Variants in CNTLN observed in about 807,000 individuals in gnomAD.
The protein encoded by CNTLN is centlein, centrosomal protein.
CNTLN carries 212 observed loss-of-function variants against 180.0 expected under a neutral mutation model. That is an observed-to-expected ratio of 1.18 (90% CI 1.05 to 1.32). The LOEUF (loss-of-function observed/expected upper bound fraction) is 1.32, where lower values mean the gene tolerates loss of function less well. Among genes scored for constraint, CNTLN ranks in the 40% most tolerant of loss-of-function variants. The pLI, the probability that CNTLN is intolerant of heterozygous loss-of-function variation, is 0.00. For synonymous variants in CNTLN, 722 were observed against 563.1 expected (o/e 1.28, Z -3.99); for missense variants, 2,095 against 1,610.9 (o/e 1.30, Z -5.14).
chr9:17,275,690 C>T (rs1828264454), intron 6 of CNTLN, among the ~76,000 whole-genome samples: 1 of 151,982 alleles, frequency 6.6e-6, no homozygotes, highest in African/African-American at 2.4e-5. Context: ...CTACATTTTG[C>T]GTGAGTTTGT....
At chr9:17,309,670 T>C (rs1161664013) in intron 8 of CNTLN, among the ~76,000 whole-genome samples, 1 of 44,728 alleles carries the variant, frequency 2.2e-5, no homozygotes, top group Admixed American at 2.3e-4. Flanking sequence ...ACCACTACCT[T>C]GATAACATGA....
chr9:17,524,375 C>G, the CNTLN span, among the ~76,000 whole-genome samples: 1 of 152,202 alleles, frequency 6.6e-6, no homozygotes, highest in African/African-American at 2.4e-5. Context: ...TGTCCCAGCT[C>G]AAGGCTGTCA....
chr9:17,315,638 A>G (rs1465734992), intron 8 of CNTLN, among the ~76,000 whole-genome samples: 2 of 151,902 alleles, frequency 1.3e-5, no homozygotes, highest in Non-Finnish European at 2.9e-5. Flanking sequence ...ACTGTATTCC[A>G]TATATATTTT....
chr9:17,494,535 C>A (rs2134380228), intron 25 of CNTLN, among the ~76,000 whole-genome samples: 1 of 152,204 alleles, frequency 6.6e-6, no homozygotes, highest in South Asian at 2.1e-4. Flanking sequence ...CCTCTACCGT[C>A]AAATAGGCCC....
chr9:17,242,477 A>C (rs1273052038), intron 5 of CNTLN, among the ~76,000 whole-genome samples: 1 of 151,860 alleles, frequency 6.6e-6, no homozygotes, highest in East Asian at 1.9e-4. Flanking sequence ...GGCCTGGCTG[A>C]TGTTTCTTTT....
chr9:17,449,046 G>C (rs1396578244), intron 18 of CNTLN, among the ~76,000 whole-genome samples: 7 of 152,106 alleles, frequency 4.6e-5, no homozygotes, highest in Admixed American at 3.3e-4. Context: ...ATAGTCATTA[G>C]TAAGCATGTC....
intron 2 of CNTLN, among the ~76,000 whole-genome samples, chr9:17,154,136 CCTTCTGAAGCCTA>C (rs1438024411): frequency 8.5e-5 from 13 of 152,244 alleles, no homozygotes; most frequent in African/African-American, 3.1e-4. Flanking sequence ...TTATTACCCA[CCTTCTGAAGCCTA>C]CTTCTGTCAG....
intron 2 of CNTLN, among the ~76,000 whole-genome samples, chr9:17,182,330 C>A (rs1821175432): frequency 6.6e-6 from 1 of 152,036 alleles, no homozygotes; most frequent in Admixed American, 6.6e-5. Context: ...TCAACTTTTT[C>A]TGTTCCATAT....
chr9:17,469,440 C>G (rs1831934944), intron 23 of CNTLN, among the ~76,000 whole-genome samples: 1 of 151,826 alleles, frequency 6.6e-6, no homozygotes, highest in Non-Finnish European at 1.5e-5. Flanking sequence ...ATGGCAGAGA[C>G]TGGATATTTG....
At chr9:17,415,314 A>G (rs1424198254) in intron 16 of CNTLN, among the ~76,000 whole-genome samples, 2 of 152,208 alleles carry the variant, frequency 1.3e-5, no homozygotes, top group African/African-American at 4.8e-5. Context: ...TTGTCAGCAT[A>G]TAATAGAGTA....
rs938718487 is a variant in CNTLN, at chr9:17,502,784, C to G, written c.*132C>G. 2.4e-6 allele frequency: 1 copy of G among 411,570 alleles called. No homozygotes were observed. The highest frequency in any genetic ancestry group is 4.4e-6 in the Non-Finnish European group (1 of 225,142). The allele number at this position is 411,570 out of a possible 1,614,324, so 25.5% of individuals were successfully genotyped here. A position where few individuals can be genotyped will look rare whatever the true frequency, so the allele number is the denominator to read the frequency against. On this transcript the variant is annotated 3_prime_UTR_variant, in exon 26 of 26. Transcript: ENST00000380647. ...CAGGTTCAATACCAAAATAAGAAGT[C>G]TCTGAAAATAATTAATTGCTGAACA...
At position 17,332,844 on chromosome 9, in the gene CNTLN, CT is replaced by C. The variant is rs200222610; in HGVS notation, c.1644+115del. The C allele has an allele frequency of 4.8e-5, 35 of 729,634 alleles. No individual in the cohort carries two copies. In the East Asian group the frequency reaches 1.2e-3, roughly 25 times the overall value. The allele number at this position is 729,634 out of a possible 1,614,324, so 45.2% of individuals were successfully genotyped here. On this transcript the variant is annotated intron_variant, in intron 10 of 25. Transcript: ENST00000380647. ...CTTTTTCTTTCCTGAATTTAATTGC[CT>C]GTATAAAAGTGTATAATCAGTTCAT...
intron 10 of CNTLN, among the ~76,000 whole-genome samples, chr9:17,339,646 A>G (rs542358813): frequency 2.2e-4 from 33 of 152,326 alleles, no homozygotes; most frequent in Admixed American, 1.4e-3. Context: ...CCACATAAGT[A>G]TACAAGTTCA....
chr9:17,347,371 G>A (rs943753901), intron 12 of CNTLN, among the ~76,000 whole-genome samples: 2 of 152,074 alleles, frequency 1.3e-5, no homozygotes, highest in African/African-American at 2.4e-5. Context: ...TGAAAATATC[G>A]TAGGTCAAAA....
rs1191180291 is a variant in CNTLN at position 17,288,269 on chromosome 9, A to G, written c.984-9921A>G. Among the ~76,000 whole-genome samples, 4 of 115,916 alleles carry G rather than the reference A, an allele frequency of 3.5e-5. 1 individual carries two copies. In the East Asian group the frequency reaches 9.5e-4, roughly 27 times the overall value. 76.0% of individuals were successfully genotyped at this position (115,916 alleles called of 152,430 possible). On this transcript the variant is annotated intron_variant, in intron 6 of 25. Transcript: ENST00000380647. ...GCTGCCTTCATTTCATTATGTACCC[A>G]GTAGTCATTCAGGAGCAGGTTGTTC...
intron 12 of CNTLN, among the ~76,000 whole-genome samples, chr9:17,343,798 C>G (rs1212893974): frequency 2.0e-5 from 3 of 152,140 alleles, no homozygotes; most frequent in Admixed American, 6.6e-5. Flanking sequence ...CCGCTACTCT[C>G]CCCACCAAAG....
chr9:17,188,874 A>G (rs1336505297), intron 2 of CNTLN, among the ~76,000 whole-genome samples: 1 of 151,740 alleles, frequency 6.6e-6, no homozygotes, highest in Non-Finnish European at 1.5e-5. Flanking sequence ...TGAGTCATTG[A>G]CTTTTTTTTC....
chr9:17,152,911 A>T (rs1419355044), intron 2 of CNTLN, among the ~76,000 whole-genome samples: 1 of 152,150 alleles, frequency 6.6e-6, no homozygotes, highest in African/African-American at 2.4e-5. Flanking sequence ...CCATCATGTA[A>T]TACCCTTCTT....
chr9:17,140,664 A>T (rs1818027592), intron 1 of CNTLN, among the ~76,000 whole-genome samples: 1 of 151,692 alleles, frequency 6.6e-6, no homozygotes, highest in Non-Finnish European at 1.5e-5. Flanking sequence ...CCAGTCTCAA[A>T]CTCCTGGGCT....
Sources: gnomAD v4.1 joint callset for allele counts (sites outside exome capture counted in the v4.1 genomes callset) on GRCh38, gnomAD v4.1.1 for gene constraint, MANE v1.5 for transcripts, NCBI Gene and HGNC (gene_info 2026-07-23, HGNC 2026-07-21) for gene names.